Variants in GALNT1 observed in about 807,000 individuals in gnomAD.
GALNT1 encodes GalNAc transferase 1.
In GALNT1, 17 loss-of-function variants were observed where a neutral mutation model predicts 65.7. That is an observed-to-expected ratio of 0.26 (90% CI 0.18 to 0.39). The LOEUF (loss-of-function observed/expected upper bound fraction) is 0.39. Among genes scored for constraint, GALNT1 ranks in the 10% least tolerant of loss-of-function variants. GALNT1 has a pLI of 1.00. For missense variants in GALNT1, 460 were observed against 672.8 expected, an observed-to-expected ratio of 0.68 and a Z score of 3.50; for synonymous variants, 210 against 219.7, an observed-to-expected ratio of 0.96 and a Z score of 0.39.
chr18:35,627,782 C>G (rs1046745551), intron 1 of GALNT1, among the ~76,000 whole-genome samples: 25 of 152,078 alleles, frequency 1.6e-4, no homozygotes, highest in Non-Finnish European at 4.4e-5. Flanking sequence ...TCACCTCACT[C>G]GGGAAGCACA....
chr18:35,606,821 T>TG (rs2046653908), intron 1 of GALNT1, among the ~76,000 whole-genome samples: 1 of 135,592 alleles, frequency 7.4e-6, no homozygotes, highest in African/African-American at 2.8e-5. Context: ...TGTTGATGTT[T>TG]TGTGTGTGTG....
At chr18:35,587,431 G>A (rs1476838807) in intron 1 of GALNT1, among the ~76,000 whole-genome samples, 1 of 152,124 alleles carries the variant, frequency 6.6e-6, no homozygotes, top group Non-Finnish European at 1.5e-5. Flanking sequence ...TGATCTTGGG[G>A]GAAAGCATTC....
At chr18:35,600,742 T>G (rs1458830503) in intron 1 of GALNT1, among the ~76,000 whole-genome samples, 1 of 152,194 alleles carries the variant, frequency 6.6e-6, no homozygotes, top group African/African-American at 2.4e-5. Flanking sequence ...GTCAAGTTTA[T>G]TGACTTGCAT....
chr18:35,648,136 G>A (rs1358451727), intron 1 of GALNT1, among the ~76,000 whole-genome samples: 3 of 133,594 alleles, frequency 2.2e-5, no homozygotes, highest in East Asian at 5.3e-4. Context: ...GGGAAGGAAG[G>A]AAGGGAGGGA....
chr18:35,610,305 C>T (rs2046701520), intron 1 of GALNT1, among the ~76,000 whole-genome samples: 1 of 152,188 alleles, frequency 6.6e-6, no homozygotes, highest in Non-Finnish European at 1.5e-5. Context: ...ATTGCCCTGC[C>T]TCAGAGAAGC....
chr18:35,583,018 T>C (rs2046340894), intron 1 of GALNT1, among the ~76,000 whole-genome samples: 1 of 152,236 alleles, frequency 6.6e-6, no homozygotes, highest in East Asian at 1.9e-4. Context: ...AAATTATACA[T>C]ACATTTGTTG....
chr18:35,684,495 C>T (rs899678218), intron 5 of GALNT1, among the ~76,000 whole-genome samples: 7 of 152,018 alleles, frequency 4.6e-5, no homozygotes, highest in Non-Finnish European at 8.8e-5. Context: ...TAATAGATGA[C>T]GTTTTAGGGA....
intron 1 of GALNT1, among the ~76,000 whole-genome samples, chr18:35,615,289 C>T (rs542252975): frequency 6.6e-6 from 1 of 152,208 alleles, no homozygotes; most frequent in African/African-American, 2.4e-5. Context: ...AACCAGAACT[C>T]TAAGTACGTG....
At chr18:35,630,251 T>G (rs2046987485) in intron 1 of GALNT1, among the ~76,000 whole-genome samples, 2 of 152,164 alleles carry the variant, frequency 1.3e-5, no homozygotes, top group South Asian at 4.1e-4. Flanking sequence ...AGAATATACA[T>G]TCTTCTCAGC....
At chr18:35,611,926 C>G (rs1430818449) in intron 1 of GALNT1, among the ~76,000 whole-genome samples, 1 of 152,070 alleles carries the variant, frequency 6.6e-6, no homozygotes, top group Non-Finnish European at 1.5e-5. Context: ...CACAAAAATC[C>G]TGTCTCTAAA....
At chr18:35,705,635 C>T (rs779365514) in intron 11 of GALNT1, among the ~76,000 whole-genome samples, 7 of 151,958 alleles carry the variant, frequency 4.6e-5, no homozygotes, top group Non-Finnish European at 8.8e-5. Flanking sequence ...GCTAGTGGCA[C>T]CCCATAGCCA....
At chr18:35,673,340 A>G (rs1568029511) in intron 3 of GALNT1, among the ~76,000 whole-genome samples, 1 of 152,210 alleles carries the variant, frequency 6.6e-6, no homozygotes, top group Non-Finnish European at 1.5e-5. Flanking sequence ...TGACATATAT[A>G]TGGATGATTG....
Position 35,644,348 on chromosome 18 carries a change from G to A in GALNT1, c.-103-10212G>A, listed in dbSNP as rs889935057. ...ATAAGGCTTCTCAGTGCTAAATTTC[G>A]ATCAGTAACCACTTGACAGCTCAAA... is the stretch of plus-strand genomic sequence containing the variant. On this transcript the variant is annotated intron_variant, in intron 1 of 11. Coordinates refer to ENST00000269195, the MANE Select transcript of GALNT1 (RefSeq NM_020474.4). 3.3e-5 allele frequency among the ~76,000 whole-genome samples: 5 copies of A among 152,044 alleles called. 1 individual carries two copies. The highest frequency in any genetic ancestry group is 2.0e-4 in the Admixed American group (3 of 15,270).
At chr18:35,682,235 G>T (rs1423603414) in intron 4 of GALNT1, among the ~76,000 whole-genome samples, 1 of 151,578 alleles carries the variant, frequency 6.6e-6, no homozygotes, top group Non-Finnish European at 1.5e-5. Context: ...GGACACATAG[G>T]CCTTTCTCTT....
In GALNT1 at chr18:35,709,436, T is replaced by TTCTCTC. The variant is rs58566456; in HGVS notation, c.1534-168_1534-163dup. Among the ~76,000 whole-genome samples the TTCTCTC allele has an allele frequency of 5.4e-3, 802 of 148,462 alleles. 7 individuals carry two copies. The highest frequency in any genetic ancestry group is 0.036 in the East Asian group (183 of 5,018). ...TTTATCGACCTACATATCTACCTAC[T>TTCTCTC]TCTCTCTCTCTCTCTCTCTCTCTCT... is the stretch of plus-strand genomic sequence containing the variant. On this transcript the variant is annotated intron_variant, in intron 11 of 11. Coordinates refer to ENST00000269195, the MANE Select transcript of GALNT1 (RefSeq NM_020474.4).
chr18:35,616,665 C>A lies in GALNT1; in HGVS notation c.-104+34803C>A, dbSNP rs148918358. On this transcript the variant is annotated intron_variant, in intron 1 of 11. Transcript: ENST00000269195. Reference sequence around the variant, plus strand: ...TGTTTTAGTGTTGTGTTTTAATCTCCACATTCATGGTAGCTTGCTGAATAC... The same window carrying A: ...TGTTTTAGTGTTGTGTTTTAATCTCAACATTCATGGTAGCTTGCTGAATAC... Among the ~76,000 whole-genome samples the A allele has an allele frequency of 1.8e-3, 280 of 152,148 alleles. 1 individual carries two copies. Among genetic ancestry groups the A allele is most frequent in the African/African-American group, 6.6e-3 (272 of 41,510 alleles).
At chr18:35,640,981 C>T (rs1016871402) in intron 1 of GALNT1, among the ~76,000 whole-genome samples, 15 of 152,064 alleles carry the variant, frequency 9.9e-5, no homozygotes, top group Admixed American at 2.0e-4. Flanking sequence ...AAATATGAAC[C>T]GTAAAAGATG....
chr18:35,626,163 C>T (rs1031894610), intron 1 of GALNT1, among the ~76,000 whole-genome samples: 2 of 152,186 alleles, frequency 1.3e-5, no homozygotes, highest in Admixed American at 6.5e-5. Flanking sequence ...TCACAACTCT[C>T]GGCATCTTTT....
At chr18:35,586,845 A>G (rs1475961006) in intron 1 of GALNT1, among the ~76,000 whole-genome samples, 1 of 152,090 alleles carries the variant, frequency 6.6e-6, no homozygotes, top group Non-Finnish European at 1.5e-5. Context: ...TTGTAGAATA[A>G]TCTTGTTTAT....
Sources: gnomAD v4.1 joint callset for allele counts (sites outside exome capture counted in the v4.1 genomes callset) on GRCh38, gnomAD v4.1.1 for gene constraint, MANE v1.5 for transcripts, NCBI Gene and HGNC (gene_info 2026-07-23, HGNC 2026-07-21) for gene names.